The following LRRC4C variants were observed in gnomAD, a reference collection of about 807,000 sequenced individuals.
LRRC4C encodes the protein leucine rich repeat containing 4C, also known as leucine-rich repeat-containing protein 4C.
A neutral mutation model predicts 33.6 loss-of-function variants in LRRC4C; 5 were observed. The ratio of observed to expected loss-of-function variants is 0.15; its 90% confidence interval spans 0.08 to 0.31. LRRC4C has a LOEUF of 0.31. Among genes scored for constraint, LRRC4C ranks in the 10% least tolerant of loss-of-function variants. The probability of loss-of-function intolerance (pLI) is 1.00; values close to 1 mark genes in which losing one functional copy is unlikely to be tolerated. For missense variants in LRRC4C, 560 were observed against 796.7 expected (o/e 0.70, Z 3.58); for synonymous variants, 329 against 302.0 (o/e 1.09, Z -0.93).
chr11:41,335,924 T>C (rs559460084), intron 1 of LRRC4C, among the ~76,000 whole-genome samples: 2 of 152,312 alleles, frequency 1.3e-5, no homozygotes, highest in East Asian at 1.9e-4. Context: ...ACACAGTGTC[T>C]AGCTAATTGT....
At chr11:40,606,974 A>G (rs1443858098) in intron 3 of LRRC4C, among the ~76,000 whole-genome samples, 1 of 152,206 alleles carries the variant, frequency 6.6e-6, no homozygotes, top group Non-Finnish European at 1.5e-5. Context: ...AAATTGACTT[A>G]TCAAATACAA....
At chr11:41,213,459 T>C (rs1418479805) in intron 1 of LRRC4C, among the ~76,000 whole-genome samples, 17 of 152,338 alleles carry the variant, frequency 1.1e-4, no homozygotes, top group Non-Finnish European at 7.3e-5. Context: ...CGTTTTAATG[T>C]ACTTTAAGCA....
chr11:41,184,170 C>T (rs2136172775), intron 1 of LRRC4C, among the ~76,000 whole-genome samples: 1 of 152,258 alleles, frequency 6.6e-6, no homozygotes, highest in Admixed American at 6.5e-5. Flanking sequence ...GAGACTTTTT[C>T]CCCATTGTTT....
intron 3 of LRRC4C, among the ~76,000 whole-genome samples, chr11:40,364,439 A>G (rs1948115580): frequency 6.6e-6 from 1 of 152,166 alleles, no homozygotes; most frequent in Non-Finnish European, 1.5e-5. Flanking sequence ...GTTGTCTCAG[A>G]TGAAAGATAT....
intron 3 of LRRC4C, among the ~76,000 whole-genome samples, chr11:40,412,312 A>C (rs533654342): frequency 6.6e-6 from 1 of 152,240 alleles, no homozygotes; most frequent in African/African-American, 2.4e-5. Flanking sequence ...AGACTCCTGT[A>C]ATTCATAAAT....
At chr11:40,937,395 T>C (rs371442578) in intron 1 of LRRC4C, among the ~76,000 whole-genome samples, 1 of 152,084 alleles carries the variant, frequency 6.6e-6, no homozygotes, top group African/African-American at 2.4e-5. Flanking sequence ...ATGGGATCCA[T>C]ACCCCAAACC....
At chr11:40,238,543 G>A (rs1483623680) in intron 5 of LRRC4C, among the ~76,000 whole-genome samples, 1 of 152,232 alleles carries the variant, frequency 6.6e-6, no homozygotes. Flanking sequence ...GCTAAGCACA[G>A]CATATCAAAG....
At chr11:40,746,428 G>T (rs1948424873) in intron 2 of LRRC4C, among the ~76,000 whole-genome samples, 1 of 152,164 alleles carries the variant, frequency 6.6e-6, no homozygotes, top group African/African-American at 2.4e-5. Flanking sequence ...TGAGGCTGAG[G>T]CTCGAGCACA....
chr11:41,379,537 T>A lies in LRRC4C; in HGVS notation c.-496+79894A>T, dbSNP rs148766039. 8.9e-4 allele frequency among the ~76,000 whole-genome samples: 136 copies of A among 152,238 alleles called. 1 individual carries two copies. In the East Asian group the frequency reaches 0.025, roughly 27 times the overall value. ...GCACAAGATAAGTATTTTATATAAA[T>A]AATATAGAATAAAGTTAAGTATCAT... On this transcript the variant is annotated intron_variant, in intron 1 of 6. Coordinates refer to ENST00000528697, the MANE Select transcript of LRRC4C (RefSeq NM_001258419.2).
intron 2 of LRRC4C, among the ~76,000 whole-genome samples, chr11:40,748,897 T>C (rs1457396738): frequency 6.6e-6 from 1 of 152,098 alleles, no homozygotes; most frequent in African/African-American, 2.4e-5. Context: ...CAGATCATTA[T>C]ATAATTAAAA....
At chr11:40,899,946 T>TG (rs1481395333) in intron 2 of LRRC4C, among the ~76,000 whole-genome samples, 22 of 152,196 alleles carry the variant, frequency 1.4e-4, no homozygotes, top group African/African-American at 5.3e-4. Context: ...GGAGAGTACC[T>TG]TAAGACTATG....
At chr11:41,071,893 T>C (rs1253120331) in intron 1 of LRRC4C, among the ~76,000 whole-genome samples, 2 of 152,188 alleles carry the variant, frequency 1.3e-5, no homozygotes, top group Non-Finnish European at 2.9e-5. Flanking sequence ...CCCTTATGAA[T>C]GACTTTGAGG....
chr11:40,299,089 A>G (rs569248871), intron 4 of LRRC4C, among the ~76,000 whole-genome samples: 1 of 152,252 alleles, frequency 6.6e-6, no homozygotes, highest in African/African-American at 2.4e-5. Flanking sequence ...AATCAACTAC[A>G]ACTTCTCTCC....
At chr11:41,148,243 C>G (rs1361288251) in intron 1 of LRRC4C, among the ~76,000 whole-genome samples, 1 of 151,968 alleles carries the variant, frequency 6.6e-6, no homozygotes, top group Non-Finnish European at 1.5e-5. Context: ...TCTCGATCTC[C>G]TGATCTTCTG....
At chr11:41,351,315 GA>G (rs1250809524) in intron 1 of LRRC4C, among the ~76,000 whole-genome samples, 1 of 151,988 alleles carries the variant, frequency 6.6e-6, no homozygotes, top group East Asian at 1.9e-4. Flanking sequence ...TAAAAATGGG[GA>G]AAAAAGCCTC....
At chr11:41,200,009 A>G (rs991094677) in intron 1 of LRRC4C, among the ~76,000 whole-genome samples, 2 of 152,056 alleles carry the variant, frequency 1.3e-5, no homozygotes, top group Admixed American at 6.6e-5. Context: ...TCATTGTCCT[A>G]TGTACTTTTA....
At chr11:40,693,150 C>A (rs980592657) in intron 2 of LRRC4C, among the ~76,000 whole-genome samples, 2 of 151,960 alleles carry the variant, frequency 1.3e-5, no homozygotes, top group East Asian at 1.9e-4. Context: ...ATACATAAAA[C>A]CTCAGTTAAA....
chr11:40,577,371 G>A (rs1043078136), intron 3 of LRRC4C, among the ~76,000 whole-genome samples: 6 of 152,144 alleles, frequency 3.9e-5, no homozygotes, highest in Admixed American at 1.3e-4. Flanking sequence ...TGATCGTATA[G>A]TTTATACTAC....
At chr11:40,548,094 T>C (rs1218128556) in intron 3 of LRRC4C, among the ~76,000 whole-genome samples, 1 of 151,998 alleles carries the variant, frequency 6.6e-6, no homozygotes, top group East Asian at 1.9e-4. Flanking sequence ...AGTGTGCATA[T>C]GTAGGTTGGG....
Sources: allele counts gnomAD v4.1 joint callset (sites outside exome capture counted in the v4.1 genomes callset), GRCh38; gene constraint gnomAD v4.1.1; transcripts MANE v1.5; gene names NCBI Gene and HGNC (gene_info 2026-07-23, HGNC 2026-07-21).